Variants in PTPRD observed in about 807,000 individuals in gnomAD.
PTPRD encodes protein tyrosine phosphatase receptor type D.
Under a neutral mutation model 214.5 loss-of-function variants are expected in PTPRD, and 34 were observed. That is an observed-to-expected ratio of 0.16 (90% CI 0.12 to 0.21). The LOEUF (loss-of-function observed/expected upper bound fraction) is 0.21. Ranked by LOEUF, PTPRD falls within the 10% of genes least tolerant of loss-of-function variation. The pLI is 1.00. For missense variants in PTPRD, 2,545 were observed against 2,398.7 expected (o/e 1.06, Z -1.27); for synonymous variants, 1,128 against 845.7 (o/e 1.33, Z -5.79).
chr9:9,947,681 A>G (rs1458386936), intron 4 of PTPRD, among the ~76,000 whole-genome samples: 2 of 116,506 alleles, frequency 1.7e-5, no homozygotes, highest in Non-Finnish European at 3.4e-5. Context: ...GTAAAAGGTC[A>G]AGTTAGATTT....
intron 9 of PTPRD, among the ~76,000 whole-genome samples, chr9:9,291,050 A>G (rs1950989624): frequency 6.6e-6 from 1 of 151,464 alleles, no homozygotes; most frequent in South Asian, 2.1e-4. Context: ...TGCAAAATTT[A>G]TATTTCTTCT....
At chr9:8,724,232 T>C (rs1410644519) in intron 12 of PTPRD, among the ~76,000 whole-genome samples, 1 of 152,210 alleles carries the variant, frequency 6.6e-6, no homozygotes, top group Admixed American at 6.6e-5. Flanking sequence ...AAAGGATTAC[T>C]TATAAGGTAC....
At chr9:10,463,918 A>G (rs1269072233) in intron 2 of PTPRD, among the ~76,000 whole-genome samples, 2 of 152,178 alleles carry the variant, frequency 1.3e-5, no homozygotes, top group African/African-American at 2.4e-5. Context: ...AGGTTGAAAA[A>G]ATAAAATAGA....
chr9:8,786,458 G>GGA (rs1183021683), intron 11 of PTPRD, among the ~76,000 whole-genome samples: 1 of 134,022 alleles, frequency 7.5e-6, no homozygotes, highest in East Asian at 2.2e-4. Context: ...CGCCCAGCTT[G>GGA]GAGTGCAGTG....
chr9:9,404,490 G>A (rs1054608149), intron 8 of PTPRD, among the ~76,000 whole-genome samples: 2 of 152,084 alleles, frequency 1.3e-5, no homozygotes, highest in Non-Finnish European at 2.9e-5. Context: ...TGCTGCTTTG[G>A]AATATTAGTA....
intron 44 of PTPRD, among the ~76,000 whole-genome samples, chr9:8,325,491 G>A (rs1010570492): frequency 2.0e-5 from 3 of 148,748 alleles, no homozygotes; most frequent in Non-Finnish European, 4.4e-5. Flanking sequence ...TTTGGTTACT[G>A]TAGCCTTGTT....
intron 2 of PTPRD, among the ~76,000 whole-genome samples, chr9:10,450,399 G>A (rs949974168): frequency 6.6e-6 from 1 of 151,874 alleles, no homozygotes; most frequent in African/African-American, 2.4e-5. Context: ...GCTTGCTGTT[G>A]GGAACTATAA....
chr9:8,833,721 C>A (rs1398233062), intron 11 of PTPRD, among the ~76,000 whole-genome samples: 1 of 145,928 alleles, frequency 6.9e-6, no homozygotes, highest in Non-Finnish European at 1.5e-5. Context: ...TATATACACA[C>A]ACACACACAC....
At chr9:9,953,726 G>A (rs982267423) in intron 4 of PTPRD, among the ~76,000 whole-genome samples, 11 of 152,178 alleles carry the variant, frequency 7.2e-5, no homozygotes, top group Middle Eastern at 3.4e-3. Context: ...TGAAGCAACC[G>A]GTTTTAAACA....
chr9:10,037,461 A>C (rs1276926868), intron 3 of PTPRD, among the ~76,000 whole-genome samples: 2 of 152,012 alleles, frequency 1.3e-5, no homozygotes, highest in Admixed American at 6.6e-5. Context: ...ACCTTCTGCC[A>C]TGAGTAAAAG....
rs534677777 is a variant in PTPRD at position 10,559,803 on chromosome 9, A to G, written c.-600+52595T>C. ...CATTTATGCAGCCAAAAAACACATGAAAAAATGCTCACCATCACTGGCCAT... is the reference window on the plus strand; with the variant it reads ...CATTTATGCAGCCAAAAAACACATGGAAAAATGCTCACCATCACTGGCCAT... On this transcript the variant is annotated intron_variant, in intron 2 of 45. Coordinates refer to ENST00000381196, the MANE Select transcript of PTPRD (RefSeq NM_002839.4). 1.6e-3 allele frequency among the ~76,000 whole-genome samples: 242 copies of G among 152,240 alleles called. 2 individuals are homozygous for G. The highest frequency in any genetic ancestry group is 5.6e-3 in the African/African-American group (231 of 41,564).
In PTPRD at chr9:8,741,679, T is replaced by C. The variant is rs1383608241; in HGVS notation, c.-103-7733A>G. 3.7e-5 allele frequency among the ~76,000 whole-genome samples: 5 copies of C among 135,868 alleles called. No individual in the cohort carries two copies. The East Asian group carries it at 1.2e-3, about 33-fold the overall frequency. The allele number at this position is 135,868 out of a possible 152,430, so 89.1% of individuals were successfully genotyped here. A position where few individuals can be genotyped will look rare whatever the true frequency, so the allele number is the denominator to read the frequency against. ...GCTCACTGCAACCCCCAACCCCCAC[T>C]TCCCAGGTTCAAGCGATTCTCCTGC... On this transcript the variant is annotated intron_variant, in intron 11 of 45. Coordinates refer to ENST00000381196, the MANE Select transcript of PTPRD (RefSeq NM_002839.4).
At chr9:8,913,918 C>T (rs1431336683) in intron 11 of PTPRD, among the ~76,000 whole-genome samples, 1 of 152,142 alleles carries the variant, frequency 6.6e-6, no homozygotes, top group Non-Finnish European at 1.5e-5. Flanking sequence ...CAAATATTTA[C>T]TAAGTACTCA....
chr9:10,346,796 C>A (rs888239319), intron 2 of PTPRD, among the ~76,000 whole-genome samples: 2 of 152,122 alleles, frequency 1.3e-5, no homozygotes, highest in Admixed American at 1.3e-4. Context: ...AGGTGTGGGT[C>A]TGAAAGCAAG....
chr9:9,634,946 A>C (rs908015831), intron 7 of PTPRD, among the ~76,000 whole-genome samples: 1 of 152,192 alleles, frequency 6.6e-6, no homozygotes, highest in Non-Finnish European at 1.5e-5. Flanking sequence ...AAGCTGTAGG[A>C]GGCAAAGAAA....
At chr9:9,258,431 T>TA (rs5896313) in intron 9 of PTPRD, among the ~76,000 whole-genome samples, 208 of 145,576 alleles carry the variant, frequency 1.4e-3, no homozygotes, top group East Asian at 3.0e-3. Context: ...TTCTATTAAA[T>TA]AAAAAAAAAA....
chr9:10,296,298 C>A (rs1274370574), intron 3 of PTPRD, among the ~76,000 whole-genome samples: 13 of 151,936 alleles, frequency 8.6e-5, no homozygotes. Flanking sequence ...GAAATTGACC[C>A]TTCTGGTATC....
intron 4 of PTPRD, among the ~76,000 whole-genome samples, chr9:10,007,504 C>T (rs905618754): frequency 6.6e-6 from 1 of 151,912 alleles, no homozygotes; most frequent in African/African-American, 2.4e-5. Context: ...AGACAGAAGG[C>T]CATCTGTTTG....
intron 7 of PTPRD, among the ~76,000 whole-genome samples, chr9:9,629,308 G>C (rs1412128474): frequency 6.9e-6 from 1 of 144,518 alleles, no homozygotes; most frequent in Non-Finnish European, 1.5e-5. Flanking sequence ...TTATATTTTA[G>C]GTATTTATTT....
Sources: gnomAD v4.1 joint callset for allele counts (sites outside exome capture counted in the v4.1 genomes callset) on GRCh38, gnomAD v4.1.1 for gene constraint, MANE v1.5 for transcripts, NCBI Gene and HGNC (gene_info 2026-07-23, HGNC 2026-07-21) for gene names.